KCNH8: variants seen among roughly 807,000 people sequenced by gnomAD.
KCNH8 encodes the protein voltage-gated delayed rectifier potassium channel KCNH8.
KCNH8 carries 70 observed loss-of-function variants against 103.6 expected under a neutral mutation model. That is an observed-to-expected ratio of 0.68 (90% confidence interval 0.56 to 0.82). The LOEUF (loss-of-function observed/expected upper bound fraction) is 0.82. Ranked by LOEUF, KCNH8 falls within the 40% of genes least tolerant of loss-of-function variation. The probability of loss-of-function intolerance (pLI) is 0.00; values close to 1 mark genes in which losing one functional copy is unlikely to be tolerated. For missense variants in KCNH8, 1,217 were observed against 1,329.9 expected, an observed-to-expected ratio of 0.92 and a Z score of 1.32; for synonymous variants, 498 against 489.4, an observed-to-expected ratio of 1.02 and a Z score of -0.23.
chr3:19,186,302 A>G (rs1401061527), intron 1 of KCNH8, among the ~76,000 whole-genome samples: 7 of 151,166 alleles, frequency 4.6e-5, no homozygotes, highest in Non-Finnish European at 8.9e-5. Context: ...AAAAAAAAAA[A>G]AGAAAAAAAA....
At chr3:19,253,617 T>A in intron 1 of KCNH8, 37 bp from the exon 2 acceptor site, 2 of 1,427,620 alleles carry the variant, frequency 1.4e-6, no homozygotes, top group East Asian at 2.3e-5. Flanking sequence ...CTCACACTTA[T>A]CTAGTTGCTG....
intron 1 of KCNH8, among the ~76,000 whole-genome samples, chr3:19,246,146 A>G (rs2064201415): frequency 6.6e-6 from 1 of 152,066 alleles, no homozygotes; most frequent in Non-Finnish European, 1.5e-5. Context: ...TTGTTTAATG[A>G]AAGTTTTAAA....
At chr3:19,311,237 C>A (rs1202026603) in intron 3 of KCNH8, among the ~76,000 whole-genome samples, 3 of 151,684 alleles carry the variant, frequency 2.0e-5, no homozygotes, top group African/African-American at 7.3e-5. Flanking sequence ...AGGCACTATT[C>A]TAAGTACTTT....
intron 1 of KCNH8, among the ~76,000 whole-genome samples, chr3:19,194,230 T>G (rs1000512276): frequency 1.3e-5 from 2 of 151,890 alleles, no homozygotes; most frequent in African/African-American, 4.8e-5. Flanking sequence ...GTTTCACCTT[T>G]GAAAGTGCTT....
At chr3:19,330,160 T>C (rs2125309471) in intron 3 of KCNH8, among the ~76,000 whole-genome samples, 1 of 152,342 alleles carries the variant, frequency 6.6e-6, no homozygotes, top group African/African-American at 2.4e-5. Flanking sequence ...AATGATATTC[T>C]AACATTTTTG....
rs2063222396 is a variant in KCNH8, at chr3:19,160,416, T to C, written c.76+11621T>C. Reference sequence around the variant, plus strand: ...GTAGAGTTCATTGAATTTTGCAAAATATATGCAATCATGTAACCACCACCA... The same window carrying C: ...GTAGAGTTCATTGAATTTTGCAAAACATATGCAATCATGTAACCACCACCA... On this transcript the variant is annotated intron_variant, in intron 1 of 15. Coordinates refer to ENST00000328405, the MANE Select transcript of KCNH8 (RefSeq NM_144633.3). Among the ~76,000 whole-genome samples, 4 of 152,110 alleles carry C rather than the reference T, an allele frequency of 2.6e-5. No individual in the cohort carries two copies. The South Asian group carries it at 8.3e-4, about 32-fold the overall frequency.
intron 3 of KCNH8, among the ~76,000 whole-genome samples, chr3:19,294,941 G>A (rs1037253028): frequency 2.0e-5 from 3 of 152,034 alleles, no homozygotes; most frequent in African/African-American, 7.2e-5. Flanking sequence ...ACTTTCTGAA[G>A]CTATTATCTC....
At chr3:19,491,270 T>C (rs1209238246) in intron 11 of KCNH8, among the ~76,000 whole-genome samples, 2 of 152,166 alleles carry the variant, frequency 1.3e-5, no homozygotes, top group Non-Finnish European at 2.9e-5. Flanking sequence ...TACATGGGGA[T>C]ATTGCACCAA....
At chr3:19,530,338 G>T (rs1196135506) in intron 15 of KCNH8, among the ~76,000 whole-genome samples, 3 of 152,096 alleles carry the variant, frequency 2.0e-5, no homozygotes, top group Non-Finnish European at 4.4e-5. Context: ...AAATGTTTGA[G>T]ATAGTGGTTA....
chr3:19,294,207 A>C (rs550383456), intron 3 of KCNH8, among the ~76,000 whole-genome samples: 13 of 152,272 alleles, frequency 8.5e-5, no homozygotes, highest in African/African-American at 3.1e-4. Flanking sequence ...ATTTGGTCAA[A>C]ATTTTGAAGA....
chr3:19,453,500 C>G (rs1230074199), intron 10 of KCNH8, among the ~76,000 whole-genome samples: 4 of 152,040 alleles, frequency 2.6e-5, no homozygotes, highest in Non-Finnish European at 5.9e-5. Context: ...GTGTTTTATG[C>G]CCATTATTGA....
intron 11 of KCNH8, among the ~76,000 whole-genome samples, chr3:19,473,697 C>T (rs1007886897): frequency 4.6e-5 from 7 of 152,182 alleles, no homozygotes; most frequent in African/African-American, 9.7e-5. Context: ...AAATGAAAAT[C>T]TCTTTGGAGT....
At chr3:19,314,959 CTGT>C (rs1311732692) in intron 3 of KCNH8, 2 of 154,008 alleles carry the variant, frequency 1.3e-5, no homozygotes, top group African/African-American at 4.8e-5. Flanking sequence ...GTTAATAAGA[CTGT>C]TGTTGTGGTA....
chr3:19,406,165 A>ATAACTCACTAG (rs1341855484), intron 7 of KCNH8, among the ~76,000 whole-genome samples: 3 of 152,092 alleles, frequency 2.0e-5, no homozygotes, highest in Non-Finnish European at 4.4e-5. Flanking sequence ...AACAGCTGCC[A>ATAACTCACTAG]TAACTCACTA....
intron 11 of KCNH8, among the ~76,000 whole-genome samples, chr3:19,477,062 C>T (rs569145665): frequency 1.3e-5 from 2 of 152,186 alleles, no homozygotes; most frequent in African/African-American, 4.8e-5. Flanking sequence ...AAGTATTCTT[C>T]CTAGTGTTGT....
At chr3:19,163,877 A>G (rs2063257605) in intron 1 of KCNH8, among the ~76,000 whole-genome samples, 1 of 152,080 alleles carries the variant, frequency 6.6e-6, no homozygotes, top group African/African-American at 2.4e-5. Flanking sequence ...TCTTATTAAC[A>G]TTTTCTTTTC....
chr3:19,451,316 G>A lies in KCNH8; in HGVS notation c.1737G>A (p.Leu579=). The A allele has an allele frequency of 6.2e-7, 1 of 1,613,924 alleles. No homozygotes were observed. The highest frequency in any genetic ancestry group is 8.5e-7 in the Non-Finnish European group (1 of 1,179,874). The change falls in exon 10 of 16, where the codon CTG becomes CTA. Residue 579 remains leucine (L), a synonymous_variant. Coordinates refer to ENST00000328405, the MANE Select transcript of KCNH8 (RefSeq NM_144633.3). The part of the protein sequence containing the change: ...TSFCAPGEYL[L]RQGDALQAIY... Reference sequence around the variant, plus strand: ...TCTGTGCTCCGGGGGAGTATCTGCTGCGTCAAGGGGATGCTTTGCAGGCCA... The same window carrying A: ...TCTGTGCTCCGGGGGAGTATCTGCTACGTCAAGGGGATGCTTTGCAGGCCA...
chr3:19,240,713 A>G (rs751429636), intron 1 of KCNH8, among the ~76,000 whole-genome samples: 60 of 152,114 alleles, frequency 3.9e-4, no homozygotes, highest in Non-Finnish European at 5.1e-4. Flanking sequence ...CATATATAAG[A>G]CCAAACTGTC....
Position 19,188,696 on chromosome 3 carries a change from T to C in KCNH8, c.76+39901T>C, listed in dbSNP as rs1009244302. ...CAAATACAATATAAAATTACATTAT[T>C]ATGAATGTTTTATGTTAAAATAAAG... is the stretch of plus-strand genomic sequence containing the variant. On this transcript the variant is annotated intron_variant, in intron 1 of 15. Transcript: ENST00000328405. Among the ~76,000 whole-genome samples, 4 of 152,154 alleles carry C rather than the reference T, an allele frequency of 2.6e-5. No individual in the cohort carries two copies. The South Asian group carries it at 8.3e-4, about 31-fold the overall frequency.
Sources: allele counts gnomAD v4.1 joint callset (sites outside exome capture counted in the v4.1 genomes callset), GRCh38; gene constraint gnomAD v4.1.1; transcripts MANE v1.5; gene names NCBI Gene and HGNC (gene_info 2026-07-23, HGNC 2026-07-21).